Variants in EYA3 observed in about 807,000 individuals in gnomAD.
EYA3 encodes the protein EYA transcriptional coactivator and phosphatase 3.
Under a neutral mutation model 80.0 loss-of-function variants are expected in EYA3, and 39 were observed. That is an observed-to-expected ratio of 0.49 (90% CI 0.38 to 0.64). The LOEUF (loss-of-function observed/expected upper bound fraction) is 0.64. Ranked by LOEUF, EYA3 falls within the 30% of genes least tolerant of loss-of-function variation. The probability of loss-of-function intolerance (pLI) is 0.00; values close to 1 mark genes in which losing one functional copy is unlikely to be tolerated. For synonymous variants in EYA3, 206 were observed against 232.8 expected (o/e 0.88, Z 1.05); for missense variants, 523 against 676.1 (o/e 0.77, Z 2.51).
intron 5 of EYA3, 66 bp downstream of exon 5, chr1:28,038,773 A>T: frequency 1.1e-6 from 1 of 878,282 alleles, no homozygotes; most frequent in Non-Finnish European, 1.8e-6. Flanking sequence ...AGGAAAAATA[A>T]TATTAAATTT....
chr1:28,053,271 C>G (rs538231818), intron 2 of EYA3, among the ~76,000 whole-genome samples: 2 of 151,070 alleles, frequency 1.3e-5, no homozygotes, highest in Admixed American at 6.6e-5. Context: ...GCACTGTATA[C>G]GCTAAAAGGG....
intron 4 of EYA3, among the ~76,000 whole-genome samples, chr1:28,040,798 C>T (rs1038577876): frequency 1.5e-5 from 2 of 131,110 alleles, no homozygotes; most frequent in African/African-American, 5.8e-5. Context: ...TGATATGTCA[C>T]AGAACAAAGA....
chr1:28,003,604 C>T lies in EYA3; in HGVS notation c.993+732G>A, dbSNP rs551095416. Among the ~76,000 whole-genome samples the T allele has an allele frequency of 5.3e-5, 8 of 152,280 alleles. No individual in the cohort carries two copies. In the East Asian group the frequency reaches 1.4e-3, roughly 26 times the overall value. ...ATTTTTATTTTTAGAGATGGGGTCTCGCTAAGTTGCCCAAGCTGGATTCGA... is the reference window on the plus strand; with the variant it reads ...ATTTTTATTTTTAGAGATGGGGTCTTGCTAAGTTGCCCAAGCTGGATTCGA... On this transcript the variant is annotated intron_variant, in intron 11 of 17. Transcript: ENST00000373871.
chr1:28,003,270 A>AAACAAC (rs139958121), intron 11 of EYA3, among the ~76,000 whole-genome samples: 1,567 of 145,794 alleles, frequency 0.011, 22 homozygotes, highest in African/African-American at 0.031. Flanking sequence ...ACTCCGTCTC[A>AAACAAC]AACAACAACA....
intron 1 of EYA3, among the ~76,000 whole-genome samples, chr1:28,066,481 T>C (rs1644841149): frequency 6.6e-6 from 1 of 151,996 alleles, no homozygotes; most frequent in Non-Finnish European, 1.5e-5. Flanking sequence ...AAAAAATCAG[T>C]ATTTAGAAAA....
intron 3 of EYA3, among the ~76,000 whole-genome samples, chr1:28,043,857 A>C (rs1643905747): frequency 6.6e-6 from 1 of 152,132 alleles, no homozygotes; most frequent in South Asian, 2.1e-4. Flanking sequence ...ACAAACAAAC[A>C]AACAAACAAA....
chr1:28,008,602 T>C (rs1447411690), intron 10 of EYA3, among the ~76,000 whole-genome samples: 2 of 152,112 alleles, frequency 1.3e-5, no homozygotes, highest in Non-Finnish European at 2.9e-5. Context: ...AGAATATTAA[T>C]ATAGAATATA....
chr1:28,012,448 T>C (rs1277799097), intron 9 of EYA3, among the ~76,000 whole-genome samples: 1 of 152,210 alleles, frequency 6.6e-6, no homozygotes, highest in Non-Finnish European at 1.5e-5. Context: ...GTACTGTTTC[T>C]AAACATGCAT....
intron 5 of EYA3, among the ~76,000 whole-genome samples, chr1:28,037,246 C>T (rs141454335): frequency 5.8e-4 from 89 of 152,212 alleles, no homozygotes; most frequent in African/African-American, 2.1e-3. Flanking sequence ...AGTTAAAAAA[C>T]AGTTCAGATA....
At chr1:28,041,126 G>T (rs1464369226) in intron 4 of EYA3, among the ~76,000 whole-genome samples, 1 of 152,216 alleles carries the variant, frequency 6.6e-6, no homozygotes, top group African/African-American at 2.4e-5. Flanking sequence ...CACTTTGGGA[G>T]GCTGAGGCCG....
At chr1:27,990,255 C>G in intron 14 of EYA3, 1 of 183,650 alleles carries the variant, frequency 5.4e-6, no homozygotes, top group East Asian at 1.4e-4. Context: ...CAGGCCTGCG[C>G]CCCGGTCACA....
Position 27,978,439 on chromosome 1 carries a change from A to G in EYA3, c.1576T>C (p.Phe526Leu), listed in dbSNP as rs1460069200. ...ACTACATATGTGACTTTCTTTCCAA[A>G]CCTTGACACAATTCTCTCAAAGCAG... is the stretch of plus-strand genomic sequence containing the variant. ...ESCFERIVSR[F>L]GKKVTYVVIG... is the part of the protein sequence containing the mutation. The change falls in exon 17 of 18, where the codon TTT (phenylalanine) becomes CTT (leucine). Residue 526 changes from phenylalanine (F) to leucine (L), a missense_variant. Around this residue, in one of 2 missense-constraint regions of EYA3, gnomAD observed 219 missense variants for 332.8 expected, o/e 0.66. Transcript: ENST00000373871. 6.2e-7 allele frequency: 1 copy of G among 1,614,070 alleles called. No individual in the cohort carries two copies. The highest frequency in any genetic ancestry group is 2.2e-5 in the East Asian group (1 of 44,866).
Position 28,009,669 on chromosome 1 carries a change from A to AACAACAACAACAAC in EYA3, c.909+1277_909+1278insGTTGTTGTTGTTGT, listed in dbSNP as rs377723253. On this transcript the variant is annotated intron_variant, in intron 10 of 17. Transcript: ENST00000373871. The surrounding 1 kb of genome is among the most constrained non-coding windows in gnomAD (Gnocchi z 4.8). ...ACAACAACAACAACAACAACAACAAAAAACCATTATGGTAAATGAAATAAG... is the reference window on the plus strand; with the variant it reads ...ACAACAACAACAACAACAACAACAAAACAACAACAACAACAAACCATTATGGTAAATGAAATAAG... 4.8e-3 allele frequency among the ~76,000 whole-genome samples: 686 copies of AACAACAACAACAAC among 142,040 alleles called. 6 individuals are homozygous for AACAACAACAACAAC. Among genetic ancestry groups the AACAACAACAACAAC allele is most frequent in the South Asian group, 9.3e-3 (43 of 4,610 alleles). The allele number at this position is 142,040 out of a possible 152,430, so 93.2% of individuals were successfully genotyped here.
rs748587120 is a variant in EYA3 at position 28,035,678 on chromosome 1, G to A, written c.227C>T (p.Pro76Leu). Residue 76 changes from proline to leucine, a missense_variant and splice_region_variant, in exon 6 of 18, where the codon CCT becomes CTT. Coordinates refer to ENST00000373871, the MANE Select transcript of EYA3 (RefSeq NM_001990.4). ...DYTSQMYSAKPYAHILSVPVS... is the reference protein window; with the variant it reads ...DYTSQMYSAKLYAHILSVPVS... ...AGGAACTGAGAGAATATGTGCATAA[G>A]GTCTGGAAAATTTCATGAAAACAAA... The A allele has an allele frequency of 3.7e-6, 6 of 1,606,308 alleles. No homozygotes were observed. Among genetic ancestry groups the A allele is most frequent in the South Asian group, 1.1e-5 (1 of 88,968 alleles).
At position 28,025,266 on chromosome 1, in the gene EYA3, T is replaced by G. The variant is rs989595130; in HGVS notation, c.499+2523A>C. ...AATGGTTAACTTCTGCCTTAATTTC[T>G]ACCCTGTGCTAATGAACAATAAAAT... On this transcript the variant is annotated intron_variant, in intron 7 of 17. Coordinates refer to ENST00000373871, the MANE Select transcript of EYA3 (RefSeq NM_001990.4). 3.2e-4 allele frequency among the ~76,000 whole-genome samples: 48 copies of G among 152,360 alleles called. No homozygotes were observed. The South Asian group carries it at 4.8e-3, about 15-fold the overall frequency.
intron 16 of EYA3, among the ~76,000 whole-genome samples, chr1:27,987,601 C>A (rs2148720614): frequency 6.6e-6 from 1 of 152,164 alleles, no homozygotes; most frequent in Non-Finnish European, 1.5e-5. Context: ...CAGGTATGCA[C>A]CACCGTGTCT....
chr1:28,073,103 T>TTCTATATATATATATATATATATA lies in EYA3; in HGVS notation c.-68-15010_-68-15009insTATATATATATATATATATATAGA, dbSNP rs1447435853. Among the ~76,000 whole-genome samples the TTCTATATATATATATATATATATA allele has an allele frequency of 3.4e-3, 129 of 37,732 alleles. 12 individuals are homozygous for TTCTATATATATATATATATATATA. The highest frequency in any genetic ancestry group is 5.8e-3 in the East Asian group (4 of 686). The allele number at this position is 37,732 out of a possible 152,430, so 24.8% of individuals were successfully genotyped here. A position where few individuals can be genotyped will look rare whatever the true frequency, so the allele number is the denominator to read the frequency against. The stretch of plus-strand genomic sequence containing the variant: ...ATCCTTTTTGGGATTGATGAAACTA[T>TTCTATATATATATATATATATATA]TATATATATATATATATATATATAT... On this transcript the variant is annotated intron_variant, in intron 1 of 17. Coordinates refer to ENST00000373871, the MANE Select transcript of EYA3 (RefSeq NM_001990.4).
In EYA3 at chr1:28,027,764, C is replaced by T. The variant is rs148762692; in HGVS notation, c.499+25G>A. On this transcript the variant is annotated intron_variant, in intron 7 of 17. Transcript: ENST00000373871. The stretch of plus-strand genomic sequence containing the variant: ...AGAAACAATAATAATAATTTTAAAA[C>T]ACACACACAACCATGCCTATTTACC... 7.6e-5 allele frequency: 122 copies of T among 1,610,228 alleles called. No individual in the cohort carries two copies. In the Middle Eastern group the frequency reaches 1.3e-3, roughly 17 times the overall value.
At chr1:28,061,894 C>T (rs1055956286) in intron 1 of EYA3, among the ~76,000 whole-genome samples, 1 of 145,910 alleles carries the variant, frequency 6.9e-6, no homozygotes, top group East Asian at 2.0e-4. Flanking sequence ...CCACCGCGCC[C>T]GGTCAACGGT....
Sources: gnomAD v4.1 joint callset for allele counts (sites outside exome capture counted in the v4.1 genomes callset) on GRCh38, gnomAD v4.1.1 for gene constraint, gnomAD v4.1.1 regional missense constraint, Gnocchi (gnomAD v3.1) non-coding constraint, MANE v1.5 for transcripts, NCBI Gene and HGNC (gene_info 2026-07-23, HGNC 2026-07-21) for gene names.